Variants in ADAM29 observed in about 807,000 individuals in gnomAD.
ADAM29 encodes ADAM metallopeptidase domain 29, also known as disintegrin and metalloproteinase domain-containing protein 29.
For missense variants in ADAM29, 969 were observed against 1,001.8 expected, an observed-to-expected ratio of 0.97 and a Z score of 0.44; for synonymous variants, 367 against 342.3, an observed-to-expected ratio of 1.07 and a Z score of -0.80.
chr4:174,963,316 G>A lies in ADAM29; in HGVS notation c.-180-12030G>A, dbSNP rs571971555. On this transcript the variant is annotated intron_variant, in intron 4 of 4. Transcript: ENST00000359240. ...TGGATCCTGATTCACATAAACACAC[G>A]GTGTAATTTTTATGATATCAGACAA... Among the ~76,000 whole-genome samples the A allele has an allele frequency of 4.7e-4, 72 of 152,090 alleles. 1 individual carries two copies. In the East Asian group the frequency reaches 7.2e-3, roughly 15 times the overall value.
intron 4 of ADAM29, among the ~76,000 whole-genome samples, chr4:174,949,215 G>A (rs764787865): frequency 3.3e-5 from 5 of 152,096 alleles, no homozygotes; most frequent in South Asian, 2.1e-4. Context: ...TCCCATGGGC[G>A]TGACTGCTCT....
In ADAM29 at chr4:174,977,298, G is replaced by A. The variant is rs1746894644; in HGVS notation, c.1773G>A (p.Lys591=). The A allele has an allele frequency of 1.2e-6, 2 of 1,613,760 alleles. No homozygotes were observed. The highest frequency in any genetic ancestry group is 1.7e-6 in the Non-Finnish European group (2 of 1,179,976). ...CWSTDYHLGM[K]GPDIGEVKDG... ...GTACTGATTACCATTTGGGGATGAA[G>A]GGACCTGATATTGGTGAAGTGAAAG... Residue 591 remains lysine, a synonymous_variant, in exon 5 of 5, where the codon AAG becomes AAA. Coordinates refer to ENST00000359240, the MANE Select transcript of ADAM29 (RefSeq NM_014269.4).
chr4:174,929,781 G>C (rs1743746320), intron 2 of ADAM29, among the ~76,000 whole-genome samples: 4 of 145,880 alleles, frequency 2.7e-5, no homozygotes, highest in Admixed American at 6.9e-5. Context: ...AGTTGAGACA[G>C]ACTCTCACTC....
chr4:174,964,317 G>A (rs1376032266), intron 4 of ADAM29, among the ~76,000 whole-genome samples: 1 of 152,014 alleles, frequency 6.6e-6, no homozygotes, highest in Non-Finnish European at 1.5e-5. Context: ...GCCCCAGTCA[G>A]AAGACAGCCA....
chr4:174,968,771 C>CACA (rs1746294498), intron 4 of ADAM29, among the ~76,000 whole-genome samples: 32 of 148,686 alleles, frequency 2.2e-4, no homozygotes, highest in Middle Eastern at 3.2e-3. Context: ...CACTTTCCGC[C>CACA]CACACACACA....
intron 3 of ADAM29, among the ~76,000 whole-genome samples, chr4:174,934,708 C>T (rs1277585955): frequency 6.6e-6 from 1 of 152,172 alleles, no homozygotes; most frequent in East Asian, 1.9e-4. Flanking sequence ...GGTTTCCCAT[C>T]TTCCGCAGGA....
At position 174,976,950 on chromosome 4, in the gene ADAM29, C is replaced by T. The variant is rs1438887301; in HGVS notation, c.1425C>T (p.Cys475=). ...GGTGCAATGGTACTTCCCATAAGTG[C>T]CCAGATGACTTTTATGTGGAAGATG... ...PEWCNGTSHK[C]PDDFYVEDGI... The change falls in exon 5 of 5, where the codon TGC becomes TGT. Residue 475 remains cysteine (C), a synonymous_variant. Transcript: ENST00000359240. 23 of 1,613,804 alleles carry T rather than the reference C, an allele frequency of 1.4e-5. No individual in the cohort carries two copies. Among genetic ancestry groups the T allele is most frequent in the Non-Finnish European group, 1.9e-5 (22 of 1,179,974 alleles).
At position 174,977,442 on chromosome 4, in the gene ADAM29, A is replaced by G; in HGVS notation, c.1917A>G (p.Lys639=). The part of the protein sequence containing the change: ...FCNKRGICNN[K]HHCHCNYLWD... ...ACAAGAGGGGCATCTGCAACAATAAACATCACTGCCATTGCAATTATCTGT... is the reference window on the plus strand; with the variant it reads ...ACAAGAGGGGCATCTGCAACAATAAGCATCACTGCCATTGCAATTATCTGT... The change falls in exon 5 of 5, where the codon AAA becomes AAG. Residue 639 remains lysine (K), a synonymous_variant. Transcript: ENST00000359240. The G allele has an allele frequency of 6.2e-7, 1 of 1,613,874 alleles. No individual in the cohort carries two copies. The highest frequency in any genetic ancestry group is 8.5e-7 in the Non-Finnish European group (1 of 1,179,898).
At chr4:174,925,599 C>G (rs544843065) in intron 2 of ADAM29, among the ~76,000 whole-genome samples, 1 of 152,268 alleles carries the variant, frequency 6.6e-6, no homozygotes, top group Non-Finnish European at 1.5e-5. Context: ...CCGTCCAATT[C>G]AAATGTTCTC....
intron 4 of ADAM29, among the ~76,000 whole-genome samples, chr4:174,969,801 C>T (rs887252128): frequency 6.6e-6 from 1 of 151,682 alleles, no homozygotes; most frequent in African/African-American, 2.4e-5. Flanking sequence ...AATTTATTTA[C>T]CCAAAGTTGA....
At chr4:174,967,758 T>C (rs1746233820) in intron 4 of ADAM29, among the ~76,000 whole-genome samples, 1 of 152,192 alleles carries the variant, frequency 6.6e-6, no homozygotes, top group Non-Finnish European at 1.5e-5. Context: ...ATGAAACCGC[T>C]TGGACTCATT....
chr4:174,965,513 A>C (rs1023466357), intron 4 of ADAM29, among the ~76,000 whole-genome samples: 1 of 151,414 alleles, frequency 6.6e-6, no homozygotes, highest in Non-Finnish European at 1.5e-5. Context: ...CTATCTATCT[A>C]TCTATCTATC....
rs777415111 is a variant in ADAM29 at position 174,977,602 on chromosome 4, T to C, written c.2077T>C (p.Cys693Arg). ...TATTGTTTTGTTTATTTTATTATGT[T>C]GTCTTTATCGACTTTGTAAAAAAAG... Reference protein sequence around the residue: ...LLIVLFILLCCLYRLCKKSKP... With the variant: ...LLIVLFILLCRLYRLCKKSKP... The change falls in exon 5 of 5, where the codon TGT becomes CGT. Residue 693 changes from cysteine (C) to arginine (R), a missense_variant. Coordinates refer to ENST00000359240, the MANE Select transcript of ADAM29 (RefSeq NM_014269.4). 3.1e-6 allele frequency: 5 copies of C among 1,613,688 alleles called. No homozygotes were observed. In the East Asian group the frequency reaches 1.1e-4, roughly 36 times the overall value.
intron 4 of ADAM29, among the ~76,000 whole-genome samples, chr4:174,940,020 C>G (rs7699698): frequency 0.4 from 60,692 of 151,662 alleles, 13,724 homozygotes; most frequent in East Asian, 0.67. Context: ...TTCCTTCCCC[C>G]CTTCTTTCCC....
chr4:174,927,689 A>G (rs1191901581), intron 2 of ADAM29, among the ~76,000 whole-genome samples: 1 of 152,094 alleles, frequency 6.6e-6, no homozygotes, highest in Non-Finnish European at 1.5e-5. Flanking sequence ...TTCTAGGAGT[A>G]TTTTATAATA....
intron 4 of ADAM29, among the ~76,000 whole-genome samples, chr4:174,944,910 T>C (rs1180032313): frequency 1.3e-5 from 2 of 152,204 alleles, no homozygotes; most frequent in Non-Finnish European, 2.9e-5. Context: ...ATGTACCACA[T>C]TTTCTTTATC....
chr4:174,962,598 T>C (rs1465707518), intron 4 of ADAM29, among the ~76,000 whole-genome samples: 1 of 152,074 alleles, frequency 6.6e-6, no homozygotes, highest in South Asian at 2.1e-4. Flanking sequence ...CAATATATTG[T>C]ATTCTTGGAA....
intron 4 of ADAM29, among the ~76,000 whole-genome samples, chr4:174,966,516 A>G (rs779372816): frequency 9.2e-5 from 14 of 152,248 alleles, no homozygotes; most frequent in Non-Finnish European, 1.5e-4. Flanking sequence ...TAGACATCCT[A>G]TTCCAAAGGT....
intron 4 of ADAM29, among the ~76,000 whole-genome samples, chr4:174,962,377 TG>T (rs528476747): frequency 1.3e-5 from 2 of 151,514 alleles, no homozygotes; most frequent in African/African-American, 2.4e-5. Flanking sequence ...CTGGGCGTGG[TG>T]GGGGGCGCCT....
Sources: gnomAD v4.1 joint callset for allele counts (sites outside exome capture counted in the v4.1 genomes callset) on GRCh38, gnomAD v4.1.1 for gene constraint, MANE v1.5 for transcripts, NCBI Gene and HGNC (gene_info 2026-07-23, HGNC 2026-07-21) for gene names.